The following SANBR variants were observed in gnomAD, a reference collection of about 807,000 sequenced individuals.
SANBR encodes SANT and BTB domain regulator of CSR, also known as SANT and BTB domain regulator of class switch recombination.
Under a neutral mutation model 101.8 loss-of-function variants are expected in SANBR, and 77 were observed. The observed-to-expected ratio is 0.76, with a 90% CI of 0.63 to 0.91. The LOEUF is 0.91. SANBR is among the 40% of genes least tolerant of loss of function. The pLI is 0.00. For synonymous variants in SANBR, 279 were observed against 274.7 expected (o/e 1.02, Z -0.15); for missense variants, 875 against 853.0 (o/e 1.03, Z -0.32).
At chr2:61,102,084 C>T (rs1393213378) in intron 12 of SANBR, among the ~76,000 whole-genome samples, 1 of 151,058 alleles carries the variant, frequency 6.6e-6, no homozygotes, top group Non-Finnish European at 1.5e-5. Context: ...ATATGTTGCT[C>T]ATATCCCGAC....
At chr2:61,120,066 G>C (rs1337734397) in intron 20 of SANBR, among the ~76,000 whole-genome samples, 1 of 152,198 alleles carries the variant, frequency 6.6e-6, no homozygotes, top group East Asian at 1.9e-4. Context: ...TTGGAAAATA[G>C]TTTGGCAATT....
In SANBR at chr2:61,123,785, A is replaced by C. The variant is rs1451189831; in HGVS notation, c.*1623A>C. 58 of 985,456 alleles carry C rather than the reference A, an allele frequency of 5.9e-5. No individual in the cohort carries two copies. Among genetic ancestry groups the C allele is most frequent in the Non-Finnish European group, 6.7e-5 (56 of 829,930 alleles). The allele number at this position is 985,456 out of a possible 1,614,324, so 61.0% of individuals were successfully genotyped here. ...TTTTTACAAACCAGAGTTTATCAGAATTTGATTCTCTTCAGAATGCTTTTG... is the reference window on the plus strand; with the variant it reads ...TTTTTACAAACCAGAGTTTATCAGACTTTGATTCTCTTCAGAATGCTTTTG... On this transcript the variant is annotated 3_prime_UTR_variant, in exon 22 of 22. Transcript: ENST00000402291.
At chr2:61,081,096 G>C (rs1682099310) in intron 6 of SANBR, among the ~76,000 whole-genome samples, 1 of 152,078 alleles carries the variant, frequency 6.6e-6, no homozygotes, top group African/African-American at 2.4e-5. Flanking sequence ...AATAACAAAT[G>C]CTCTCATTAA....
At chr2:61,109,159 A>C (rs745668377) in intron 15 of SANBR, 38 bp from the exon 16 acceptor site, 4 of 1,025,912 alleles carry the variant, frequency 3.9e-6, no homozygotes, top group Non-Finnish European at 5.5e-6. Flanking sequence ...ATAAAAAATC[A>C]TAATATTACA....
chr2:61,117,193 C>A, intron 17 of SANBR, 164 bp from the exon 18 acceptor site: 1 of 646,544 alleles, frequency 1.5e-6, no homozygotes, highest in Non-Finnish European at 2.8e-6. Flanking sequence ...ATTAATAGTG[C>A]CTGTCTCATT....
rs1208988771 is a variant in SANBR, at chr2:61,108,218, T to C, written c.1612-99T>C. On this transcript the variant is annotated intron_variant, in intron 14 of 21. Transcript: ENST00000402291. Reference sequence around the variant, plus strand: ...GTTTCAGCCTGGAAGGGAACTATATTTGTAACTTTTTTCAACTCTTCTACA... The same window carrying C: ...GTTTCAGCCTGGAAGGGAACTATATCTGTAACTTTTTTCAACTCTTCTACA... 21 of 646,450 alleles carry C rather than the reference T, an allele frequency of 3.2e-5. No homozygotes were observed. In the East Asian group the frequency reaches 6.0e-4, roughly 18 times the overall value. 40.0% of individuals were successfully genotyped at this position (646,450 alleles called of 1,614,324 possible).
intron 12 of SANBR, among the ~76,000 whole-genome samples, chr2:61,102,717 T>C (rs1264330533): frequency 2.0e-5 from 3 of 151,990 alleles, no homozygotes; most frequent in Admixed American, 1.3e-4. Flanking sequence ...TTTGTATTTT[T>C]ATCGGAGACA....
At chr2:61,086,388 T>G (rs1259104597) in intron 8 of SANBR, among the ~76,000 whole-genome samples, 1 of 151,916 alleles carries the variant, frequency 6.6e-6, no homozygotes, top group African/African-American at 2.4e-5. Context: ...ATTTAATAAA[T>G]TAAATTGTTG....
In SANBR at chr2:61,092,559, A is replaced by G. The variant is rs145168092; in HGVS notation, c.1184A>G (p.Asn395Ser). The G allele has an allele frequency of 2.7e-5, 43 of 1,601,086 alleles. No individual in the cohort carries two copies. Among genetic ancestry groups the G allele is most frequent in the Admixed American group, 6.9e-5 (4 of 57,764 alleles). ...DVYWRLWGTI[N>S]WLTCSRCYQA... ...TACTGGCGATTGTGGGGAACAATCAATTGGCTGACTTGTTCAAGATGTTAT... is the reference window on the plus strand; with the variant it reads ...TACTGGCGATTGTGGGGAACAATCAGTTGGCTGACTTGTTCAAGATGTTAT... Residue 395 changes from asparagine to serine, a missense_variant, in exon 11 of 22, where the codon AAT (asparagine) becomes AGT (serine). By Grantham distance (46) the Asn-to-Ser change is conservative. Coordinates refer to ENST00000402291, the MANE Select transcript of SANBR (RefSeq NM_001129993.3).
chr2:61,080,548 C>G (rs748349708), intron 6 of SANBR, among the ~76,000 whole-genome samples: 1 of 152,154 alleles, frequency 6.6e-6, no homozygotes, highest in Non-Finnish European at 1.5e-5. Context: ...TGGTGAAACC[C>G]TGTCTCTACT....
intron 21 of SANBR, chr2:61,134,281 G>A (rs1184493870): frequency 6.5e-7 from 1 of 1,549,256 alleles, no homozygotes. Flanking sequence ...CATATCGTAA[G>A]TGCTCAAAAA....
chr2:61,071,270 G>T (rs373018659), intron 3 of SANBR, among the ~76,000 whole-genome samples: 1 of 151,840 alleles, frequency 6.6e-6, no homozygotes, highest in East Asian at 1.9e-4. Context: ...TTCCCAAACC[G>T]CTGGGCATGG....
At chr2:61,097,648 C>A in intron 11 of SANBR, 52 bp from the exon 12 acceptor site, 1 of 1,355,602 alleles carries the variant, frequency 7.4e-7, no homozygotes, top group Non-Finnish European at 1.0e-6. Flanking sequence ...ATTTTTGAAA[C>A]ATATAATTTT....
intron 16 of SANBR, among the ~76,000 whole-genome samples, chr2:61,110,847 TA>T (rs34809406): frequency 0.52 from 76,660 of 147,108 alleles, 19,738 homozygotes; most frequent in Middle Eastern, 0.66. Context: ...AAACTCCATC[TA>T]AAAAAAAAAA....
At chr2:61,105,988 G>C (rs897639157) in intron 13 of SANBR, among the ~76,000 whole-genome samples, 6 of 152,236 alleles carry the variant, frequency 3.9e-5, no homozygotes, top group Admixed American at 1.3e-4. Flanking sequence ...TCTTAAAGCA[G>C]TACCAATTAT....
chr2:61,115,446 C>T (rs1015407834), intron 16 of SANBR, among the ~76,000 whole-genome samples: 2 of 151,596 alleles, frequency 1.3e-5, no homozygotes, highest in African/African-American at 4.8e-5. Context: ...GATTCTTGTG[C>T]CTCAGTCTCC....
intron 13 of SANBR, among the ~76,000 whole-genome samples, chr2:61,104,265 G>A (rs1242055539): frequency 2.0e-5 from 3 of 151,918 alleles, no homozygotes; most frequent in Non-Finnish European, 2.9e-5. Context: ...GGCGGATCAC[G>A]AGGTCAGGAG....
rs1164239379 is a variant in SANBR, at chr2:61,109,288, A to G, written c.1736A>G (p.Lys579Arg). ...DEVGDEEEVS[K>R]KQRKKEKPKK... Reference sequence around the variant, plus strand: ...GTTGGAGATGAAGAAGAAGTATCCAAGAAACAAAGTATTGGTTTATAAGTT... The same window carrying G: ...GTTGGAGATGAAGAAGAAGTATCCAGGAAACAAAGTATTGGTTTATAAGTT... The change falls in exon 16 of 22, where the codon AAG becomes AGG. Residue 579 changes from lysine (K) to arginine (R), a missense_variant. By Grantham distance (26) the Lys-to-Arg change is conservative. Coordinates refer to ENST00000402291, the MANE Select transcript of SANBR (RefSeq NM_001129993.3). 6.5e-7 allele frequency: 1 copy of G among 1,548,058 alleles called. No individual in the cohort carries two copies.
At chr2:61,066,985 T>A (rs1333166032) in intron 1 of SANBR, among the ~76,000 whole-genome samples, 1 of 152,222 alleles carries the variant, frequency 6.6e-6, no homozygotes, top group Non-Finnish European at 1.5e-5. Context: ...GATTTCATAG[T>A]AATTTGAACT....
Sources: gnomAD v4.1 joint callset for allele counts (sites outside exome capture counted in the v4.1 genomes callset) on GRCh38, gnomAD v4.1.1 for gene constraint, MANE v1.5 for transcripts, NCBI Gene and HGNC (gene_info 2026-07-23, HGNC 2026-07-21) for gene names.